SBF2: variants seen among roughly 807,000 people sequenced by gnomAD.
SBF2 encodes the protein SET binding factor 2.
In SBF2, 112 loss-of-function variants were observed where a neutral mutation model predicts 225.2. The ratio of observed to expected loss-of-function variants is 0.50; its 90% CI spans 0.43 to 0.58. The LOEUF (loss-of-function observed/expected upper bound fraction) is 0.58, where lower values mean the gene tolerates loss of function less well. SBF2 is among the 20% of genes least tolerant of loss of function. SBF2 has a pLI of 0.00. For missense variants in SBF2, 1,996 were observed against 2,206.2 expected, an observed-to-expected ratio of 0.90 and a Z score of 1.91; for synonymous variants, 763 against 773.3, an observed-to-expected ratio of 0.99 and a Z score of 0.22.
At chr11:9,914,790 C>G (rs1244850058) in intron 16 of SBF2, among the ~76,000 whole-genome samples, 1 of 151,630 alleles carries the variant, frequency 6.6e-6, no homozygotes, top group Non-Finnish European at 1.5e-5. Flanking sequence ...AAATATAAAT[C>G]TGTACAACAC....
At position 9,968,567 on chromosome 11, in the gene SBF2, A is replaced by T. The variant is rs1284271337; in HGVS notation, c.1396-22T>A. Reference sequence around the variant, plus strand: ...TCTCCTGTAATATCAGACATAGGTAAAATTACTCCAAGTTAAAATAACAAT... The same window carrying T: ...TCTCCTGTAATATCAGACATAGGTATAATTACTCCAAGTTAAAATAACAAT... On this transcript the variant is annotated intron_variant, in intron 13 of 39. Transcript: ENST00000256190. 7.6e-6 allele frequency: 12 copies of T among 1,581,660 alleles called. No individual in the cohort carries two copies. In the Admixed American group the frequency reaches 2.0e-4, roughly 26 times the overall value.
Position 10,062,460 on chromosome 11 carries a change from C to T in SBF2, c.142-19479G>A, listed in dbSNP as rs537958509. Among the ~76,000 whole-genome samples, 9 of 152,230 alleles carry T rather than the reference C, an allele frequency of 5.9e-5. No individual in the cohort carries two copies. The East Asian group carries it at 1.7e-3, about 29-fold the overall frequency. ...ATGCATCTGACAAAGGTCCAATATC[C>T]AGAATCTATAAGGAACTTAAACAAA... On this transcript the variant is annotated intron_variant, in intron 2 of 39. Coordinates refer to ENST00000256190, the MANE Select transcript of SBF2 (RefSeq NM_030962.4).
At chr11:9,953,399 C>T (rs1002126902) in intron 16 of SBF2, among the ~76,000 whole-genome samples, 20 of 151,990 alleles carry the variant, frequency 1.3e-4, no homozygotes, top group South Asian at 1.0e-3. Context: ...GCCGAGATCA[C>T]GCCACTGCAT....
At chr11:10,246,721 C>T (rs1959831449) in intron 1 of SBF2, among the ~76,000 whole-genome samples, 1 of 152,146 alleles carries the variant, frequency 6.6e-6, no homozygotes, top group South Asian at 2.1e-4. Context: ...AAAATCTTTC[C>T]ACAAACAAAA....
chr11:9,885,106 C>G (rs986301948), intron 17 of SBF2, among the ~76,000 whole-genome samples: 1 of 151,682 alleles, frequency 6.6e-6, no homozygotes, highest in African/African-American at 2.4e-5. Context: ...CAAAAATTAG[C>G]TGAGCGTGGT....
At chr11:10,024,585 C>G (rs1229093563) in intron 6 of SBF2, among the ~76,000 whole-genome samples, 2 of 152,012 alleles carry the variant, frequency 1.3e-5, no homozygotes, top group African/African-American at 4.8e-5. Flanking sequence ...TCTCAGCCCC[C>G]CAGACATCCA....
intron 16 of SBF2, among the ~76,000 whole-genome samples, chr11:9,914,118 C>T (rs1267727117): frequency 6.6e-6 from 1 of 152,112 alleles, no homozygotes; most frequent in African/African-American, 2.4e-5. Context: ...CAGAAACAGA[C>T]TTAGATATGG....
At chr11:10,029,931 T>C in intron 4 of SBF2, 56 bp from the exon 5 acceptor site, 1 of 1,178,810 alleles carries the variant, frequency 8.5e-7, no homozygotes, top group Non-Finnish European at 1.3e-6. Context: ...AAAAATAAAT[T>C]GTTATGACAT....
chr11:9,855,251 G>A (rs1857233843), intron 19 of SBF2, among the ~76,000 whole-genome samples: 1 of 152,214 alleles, frequency 6.6e-6, no homozygotes, highest in African/African-American at 2.4e-5. Context: ...GCAGTTGACT[G>A]TATGGTGTGA....
At chr11:10,197,336 T>C (rs1403429555) in intron 1 of SBF2, among the ~76,000 whole-genome samples, 1 of 152,222 alleles carries the variant, frequency 6.6e-6, no homozygotes, top group Non-Finnish European at 1.5e-5. Flanking sequence ...AAAGTGAATA[T>C]TGCAATAATG....
intron 7 of SBF2, 34 bp from the exon 8 acceptor site, chr11:10,001,056 T>A: frequency 8.8e-7 from 1 of 1,132,920 alleles, no homozygotes; most frequent in Non-Finnish European, 1.3e-6. Context: ...CAAATATATT[T>A]TTCTTTAACA....
At chr11:9,998,768 G>A (rs1450160975) in intron 8 of SBF2, among the ~76,000 whole-genome samples, 1 of 152,202 alleles carries the variant, frequency 6.6e-6, no homozygotes, top group African/African-American at 2.4e-5. Flanking sequence ...GGAGAAACAA[G>A]AAGGAAGGAA....
intron 6 of SBF2, among the ~76,000 whole-genome samples, chr11:10,008,285 G>A (rs1439905558): frequency 6.6e-6 from 1 of 152,146 alleles, no homozygotes; most frequent in African/African-American, 2.4e-5. Context: ...GCTACAAGAG[G>A]CCCTAGTGAA....
At chr11:9,980,289 T>TA (rs1170874978) in intron 13 of SBF2, among the ~76,000 whole-genome samples, 47,840 of 105,604 alleles carry the variant, frequency 0.45, 11,038 homozygotes, top group African/African-American at 0.56. Flanking sequence ...CTCTTGTAAT[T>TA]AAAAAAAAAA....
chr11:10,235,543 A>C (rs1246786651), intron 1 of SBF2, among the ~76,000 whole-genome samples: 100 of 151,036 alleles, frequency 6.6e-4, no homozygotes, highest in Admixed American at 6.6e-3. Flanking sequence ...AAAAAAAAAA[A>C]CCAAAAAACT....
intron 24 of SBF2, among the ~76,000 whole-genome samples, chr11:9,844,505 G>A (rs1465361296): frequency 6.6e-6 from 1 of 152,094 alleles, no homozygotes; most frequent in Non-Finnish European, 1.5e-5. Flanking sequence ...CATAACTGAA[G>A]TTTAAAACTT....
At chr11:10,287,902 G>T (rs1015775056) in intron 1 of SBF2, among the ~76,000 whole-genome samples, 1 of 152,202 alleles carries the variant, frequency 6.6e-6, no homozygotes, top group African/African-American at 2.4e-5. Context: ...GTAAGCGAGC[G>T]TACAGTCTGG....
chr11:9,852,498 T>G (rs1406181974), intron 21 of SBF2, among the ~76,000 whole-genome samples, 178 bp downstream of exon 21: 1 of 152,204 alleles, frequency 6.6e-6, no homozygotes, highest in East Asian at 1.9e-4. Flanking sequence ...TGTTCCTATT[T>G]CAGTATCCTT....
intron 12 of SBF2, among the ~76,000 whole-genome samples, chr11:9,991,420 A>G (rs1234454226): frequency 6.6e-6 from 1 of 152,200 alleles, no homozygotes; most frequent in Non-Finnish European, 1.5e-5. Context: ...AACCAAAGAT[A>G]TTTAAGACCT....
Sources: gnomAD v4.1 joint callset for allele counts (sites outside exome capture counted in the v4.1 genomes callset) on GRCh38, gnomAD v4.1.1 for gene constraint, MANE v1.5 for transcripts, NCBI Gene and HGNC (gene_info 2026-07-23, HGNC 2026-07-21) for gene names.